Variants in AAR2 observed in about 807,000 individuals in gnomAD.
The protein encoded by AAR2 is protein AAR2 homolog.
A neutral mutation model predicts 26.9 loss-of-function variants in AAR2; 31 were observed. That is an observed-to-expected ratio of 1.15 (90% CI 0.86 to 1.55). The LOEUF (loss-of-function observed/expected upper bound fraction) is 1.55, where lower values mean the gene tolerates loss of function less well. Among genes scored for constraint, AAR2 ranks in the 40% most tolerant of loss-of-function variants. The pLI is 0.00. For missense variants in AAR2, 430 were observed against 491.3 expected (o/e 0.88, Z 1.18); for synonymous variants, 188 against 196.1 (o/e 0.96, Z 0.34).
intron 3 of AAR2, among the ~76,000 whole-genome samples, chr20:36,246,351 G>T (rs1260215564): frequency 6.6e-6 from 1 of 152,218 alleles, no homozygotes; most frequent in Non-Finnish European, 1.5e-5. Context: ...CTTAAAGCTG[G>T]CAGTTGAAGG....
chr20:36,240,192 G>A lies in AAR2; in HGVS notation c.324G>A (p.Val108=). The A allele has an allele frequency of 1.9e-6, 3 of 1,614,164 alleles. No individual in the cohort carries two copies. The highest frequency in any genetic ancestry group is 2.2e-5 in the East Asian group (1 of 44,878). The change falls in exon 2 of 4, where the codon GTG becomes GTA. Residue 108 remains valine (V), a synonymous_variant. Transcript: ENST00000320849. ...VDLSPAPESE[V]EAMRANLQEL... is the part of the protein sequence containing the mutation. Reference sequence around the variant, plus strand: ...TGTCCCCAGCCCCAGAGTCTGAGGTGGAGGCCATGAGGGCCAACCTCCAGG... The same window carrying A: ...TGTCCCCAGCCCCAGAGTCTGAGGTAGAGGCCATGAGGGCCAACCTCCAGG...
Position 36,240,166 on chromosome 20 carries a change from C to G in AAR2, c.298C>G (p.Leu100Val), listed in dbSNP as rs1326696355. The G allele has an allele frequency of 4.3e-6, 7 of 1,614,202 alleles. No individual in the cohort carries two copies. Among genetic ancestry groups the G allele is most frequent in the Non-Finnish European group, 5.9e-6 (7 of 1,180,026 alleles). Residue 100 changes from leucine (L) to valine (V), a missense_variant, in exon 2 of 4, where the codon CTG becomes GTG. Physicochemically the swap from Leu to Val is conservative, Grantham distance 32 (BLOSUM62 1). Transcript: ENST00000320849. Reference sequence around the variant, plus strand: ...GAGCACACTCAGGGAAGAGGTAGACCTGTCCCCAGCCCCAGAGTCTGAGGT... The same window carrying G: ...GAGCACACTCAGGGAAGAGGTAGACGTGTCCCCAGCCCCAGAGTCTGAGGT... ...RWSTLREEVD[L>V]SPAPESEVEA...
intron 2 of AAR2, 111 bp from the exon 3 acceptor site, chr20:36,244,586 G>A: frequency 9.9e-7 from 1 of 1,012,836 alleles, no homozygotes; most frequent in Non-Finnish European, 1.5e-6. Context: ...AAGGATAAAA[G>A]CTCATCTGTT....
intron 3 of AAR2, among the ~76,000 whole-genome samples, chr20:36,253,012 G>C (rs527634863): frequency 3.9e-5 from 6 of 152,090 alleles, no homozygotes; most frequent in African/African-American, 7.2e-5. Context: ...TTGTGGCTGC[G>C]CTTCCCACTC....
intron 3 of AAR2, among the ~76,000 whole-genome samples, chr20:36,251,434 T>A (rs569127519): frequency 6.6e-6 from 1 of 152,186 alleles, no homozygotes; most frequent in East Asian, 1.9e-4. Flanking sequence ...TTTTTTTTTT[T>A]AAGTCAACCC....
chr20:36,237,163 TG>T (rs1331381972), intron 1 of AAR2, among the ~76,000 whole-genome samples: 7 of 152,152 alleles, frequency 4.6e-5, no homozygotes, highest in Non-Finnish European at 8.8e-5. Context: ...AGAGAGCTTG[TG>T]GGGGACCATT....
intron 3 of AAR2, among the ~76,000 whole-genome samples, chr20:36,248,695 A>G (rs546658563): frequency 6.6e-6 from 1 of 152,052 alleles, no homozygotes. Flanking sequence ...GACAATGTAA[A>G]TATCATAGGT....
rs192788725 is a variant in AAR2 at position 36,251,652 on chromosome 20, A to G, written c.988-3926A>G. 7.5e-4 allele frequency among the ~76,000 whole-genome samples: 114 copies of G among 152,348 alleles called. 1 individual carries two copies. Among genetic ancestry groups the G allele is most frequent in the African/African-American group, 2.7e-3 (112 of 41,590 alleles). On this transcript the variant is annotated intron_variant, in intron 3 of 3. Transcript: ENST00000320849. ...TGTCACTGCGTGTTGCCGCATGCCT[A>G]GTGTCTTACCTCTGCAGTGGGAATA... is the stretch of plus-strand genomic sequence containing the variant.
intron 2 of AAR2, among the ~76,000 whole-genome samples, 190 bp downstream of exon 2, chr20:36,240,815 A>C (rs559307782): frequency 6.6e-6 from 1 of 152,304 alleles, no homozygotes; most frequent in East Asian, 1.9e-4. Context: ...GGGCTTCCGC[A>C]GTTTCTATCT....
intron 2 of AAR2, among the ~76,000 whole-genome samples, chr20:36,242,741 T>A (rs1302712475): frequency 2.0e-5 from 3 of 152,170 alleles, no homozygotes; most frequent in African/African-American, 4.8e-5. Flanking sequence ...AATAAGTAAC[T>A]TTTAAAAGTC....
intron 2 of AAR2, among the ~76,000 whole-genome samples, chr20:36,244,031 G>A (rs897409742): frequency 2.0e-4 from 30 of 152,220 alleles, no homozygotes; most frequent in African/African-American, 7.0e-4. Flanking sequence ...TTCCAGAACT[G>A]TTCCCACCCA....
intron 3 of AAR2, among the ~76,000 whole-genome samples, chr20:36,254,043 G>C (rs958405804): frequency 6.6e-6 from 1 of 152,170 alleles, no homozygotes; most frequent in African/African-American, 2.4e-5. Flanking sequence ...CAGTTCATCA[G>C]AATTTAAACA....
At chr20:36,250,286 G>A (rs956443119) in intron 3 of AAR2, among the ~76,000 whole-genome samples, 1 of 152,110 alleles carries the variant, frequency 6.6e-6, no homozygotes, top group Non-Finnish European at 1.5e-5. Context: ...TGTGCTTTTT[G>A]TTTTAGATAA....
Position 36,240,393 on chromosome 20 carries a change from G to A in AAR2, c.525G>A (p.Gly175=). ...TGAAGCACACCAAGGACCGCGTGGG[G>A]CAGAATCTACCCCGCTGTGGCATTG... ...LSMKHTKDRV[G]QNLPRCGIEC... is the part of the protein sequence containing the mutation. The change falls in exon 2 of 4, where the codon GGG becomes GGA. Residue 175 remains glycine (G), a synonymous_variant. Coordinates refer to ENST00000320849, the MANE Select transcript of AAR2 (RefSeq NM_001271874.2). 1 of 1,614,252 alleles carries A rather than the reference G, an allele frequency of 6.2e-7. No individual in the cohort carries two copies. The highest frequency in any genetic ancestry group is 8.5e-7 in the Non-Finnish European group (1 of 1,180,048).
At position 36,256,331 on chromosome 20, in the gene AAR2, G is replaced by A. The variant is rs375292935; in HGVS notation, c.*586G>A. The A allele has an allele frequency of 6.6e-6, 1 of 152,460 alleles. No individual in the cohort carries two copies. The highest frequency in any genetic ancestry group is 2.4e-5 in the African/African-American group (1 of 41,434). The allele number at this position is 152,460 out of a possible 1,614,324, so 9.4% of individuals were successfully genotyped here. A position where few individuals can be genotyped will look rare whatever the true frequency, so the allele number is the denominator to read the frequency against. ...GGCAGCTGGATTCAATCTAGCAGGTGGTCAGCTTCAGCTTTCTCCATCGAA... is the reference window on the plus strand; with the variant it reads ...GGCAGCTGGATTCAATCTAGCAGGTAGTCAGCTTCAGCTTTCTCCATCGAA... On this transcript the variant is annotated 3_prime_UTR_variant, in exon 4 of 4. Transcript: ENST00000320849.
rs531255251 is a variant in AAR2 at position 36,242,061 on chromosome 20, T to A, written c.757+1436T>A. Reference sequence around the variant, plus strand: ...TATGTGTCACATTTTGAACAGCTATTTTTATATATATTTATAAATTTTCCA... The same window carrying A: ...TATGTGTCACATTTTGAACAGCTATATTTATATATATTTATAAATTTTCCA... On this transcript the variant is annotated intron_variant, in intron 2 of 3. Coordinates refer to ENST00000320849, the MANE Select transcript of AAR2 (RefSeq NM_001271874.2). Among the ~76,000 whole-genome samples, 139 of 152,206 alleles carry A rather than the reference T, an allele frequency of 9.1e-4. 1 individual carries two copies. The highest frequency in any genetic ancestry group is 3.2e-3 in the African/African-American group (133 of 41,542).
At chr20:36,237,203 G>T (rs547559089) in intron 1 of AAR2, among the ~76,000 whole-genome samples, 4 of 152,220 alleles carry the variant, frequency 2.6e-5, no homozygotes, top group Non-Finnish European at 4.4e-5. Context: ...GGGTTGCCAG[G>T]AGTCAGACCG....
chr20:36,252,938 T>C (rs147391852), intron 3 of AAR2, among the ~76,000 whole-genome samples: 1,596 of 152,214 alleles, frequency 0.01, 35 homozygotes, highest in African/African-American at 0.037. Context: ...ACCCTTGGCT[T>C]CCCCATGGCC....
At position 36,244,787 on chromosome 20, in the gene AAR2, G is replaced by A. The variant is rs147679615; in HGVS notation, c.848G>A (p.Arg283Gln). The change falls in exon 3 of 4, where the codon CGG becomes CAG. Residue 283 changes from arginine (R) to glutamine (Q), a missense_variant. By Grantham distance (43) the Arg-to-Gln change is conservative (BLOSUM62 1). Coordinates refer to ENST00000320849, the MANE Select transcript of AAR2 (RefSeq NM_001271874.2). ...AAGCGGCTCCTGAACCTCCTGTGCC[G>A]GTCAGAAGCAGCCATGATGAAGCAC... ...HWKRLLNLLC[R>Q]SEAAMMKHHT... The A allele has an allele frequency of 8.3e-4, 1,332 of 1,613,972 alleles. 2 individuals are homozygous for A. Among genetic ancestry groups the A allele is most frequent in the Non-Finnish European group, 9.4e-4 (1,106 of 1,180,026 alleles).
Sources: allele counts gnomAD v4.1 joint callset (sites outside exome capture counted in the v4.1 genomes callset), GRCh38; gene constraint gnomAD v4.1.1; transcripts MANE v1.5; gene names NCBI Gene and HGNC (gene_info 2026-07-23, HGNC 2026-07-21).